The following GRM1 variants were observed in gnomAD, a reference collection of about 807,000 sequenced individuals.
GRM1 encodes the protein glutamate metabotropic receptor 1, also known as metabotropic glutamate receptor 1.
Under a neutral mutation model 90.9 loss-of-function variants are expected in GRM1, and 33 were observed. The observed-to-expected ratio is 0.36, with a 90% confidence interval of 0.28 to 0.49. GRM1 has a LOEUF of 0.49. Among genes scored for constraint, GRM1 ranks in the 20% least tolerant of loss-of-function variants. The pLI is 0.99. For synonymous variants in GRM1, 700 were observed against 613.2 expected, an observed-to-expected ratio of 1.14 and a Z score of -2.09; for missense variants, 1,190 against 1,534.3, an observed-to-expected ratio of 0.78 and a Z score of 3.75.
intron 7 of GRM1, among the ~76,000 whole-genome samples, chr6:146,413,463 C>T (rs890333924): frequency 2.6e-5 from 4 of 152,006 alleles, no homozygotes; most frequent in African/African-American, 9.7e-5. Context: ...TTCAGCATTT[C>T]TTTCCTTGCT....
chr6:146,081,545 T>A (rs1270590944), intron 1 of GRM1, among the ~76,000 whole-genome samples: 3 of 152,120 alleles, frequency 2.0e-5, no homozygotes, highest in Non-Finnish European at 4.4e-5. Flanking sequence ...CTGAAGTTAA[T>A]ATAAAGTGAA....
intron 2 of GRM1, among the ~76,000 whole-genome samples, chr6:146,193,991 T>C (rs1779024504): frequency 6.6e-6 from 1 of 152,156 alleles, no homozygotes; most frequent in Non-Finnish European, 1.5e-5. Flanking sequence ...GTTTACCTTC[T>C]CTTCAACAGC....
chr6:146,397,484 G>GAAAAAAAAAAAAAAAAAAAAAAA (rs577471775), intron 6 of GRM1, among the ~76,000 whole-genome samples: 1 of 45,030 alleles, frequency 2.2e-5, no homozygotes, highest in Non-Finnish European at 4.7e-5. Flanking sequence ...AAAAAAAAAA[G>GAAAAAAAAAAAAAAAAAAAAAAA]AAAAAAAAAA....
At chr6:146,284,974 C>T (rs1235536900) in intron 2 of GRM1, among the ~76,000 whole-genome samples, 2 of 152,172 alleles carry the variant, frequency 1.3e-5, no homozygotes, top group Non-Finnish European at 2.9e-5. Context: ...ATTCTAGTTC[C>T]AAGCACCTCA....
intron 2 of GRM1, among the ~76,000 whole-genome samples, chr6:146,289,632 C>T (rs1368159381): frequency 6.6e-6 from 1 of 152,136 alleles, no homozygotes; most frequent in Non-Finnish European, 1.5e-5. Flanking sequence ...ATTGTCTCAC[C>T]CAGAGCAACC....
At chr6:146,403,870 A>C (rs1381124787) in intron 7 of GRM1, among the ~76,000 whole-genome samples, 1 of 152,134 alleles carries the variant, frequency 6.6e-6, no homozygotes. Context: ...GGTACACTGT[A>C]ATATTTCAAT....
At chr6:146,094,634 G>C (rs1475079018) in intron 1 of GRM1, among the ~76,000 whole-genome samples, 1 of 152,042 alleles carries the variant, frequency 6.6e-6, no homozygotes, top group African/African-American at 2.4e-5. Flanking sequence ...GACAAATACT[G>C]AAAGAAAGTT....
At chr6:146,295,452 C>G (rs1211937744) in intron 2 of GRM1, among the ~76,000 whole-genome samples, 2 of 151,236 alleles carry the variant, frequency 1.3e-5, no homozygotes, top group African/African-American at 4.9e-5. Context: ...AGGCTGGTCT[C>G]GAACTCCTGA....
chr6:146,240,312 G>T (rs143888319), intron 2 of GRM1, among the ~76,000 whole-genome samples: 3 of 151,956 alleles, frequency 2.0e-5, no homozygotes, highest in African/African-American at 7.3e-5. Context: ...ACCCAAAAGG[G>T]TAAATTAAGA....
Position 146,106,765 on chromosome 6 carries a change from C to T in GRM1, c.701-52583C>T, listed in dbSNP as rs537866853. On this transcript the variant is annotated intron_variant, in intron 1 of 7. Transcript: ENST00000282753. ...GCTCAGCTCATTTAAATTTAGTTGA[C>T]CTCGTGGTGTCATTCCTTATGTATA... is the stretch of plus-strand genomic sequence containing the variant. Among the ~76,000 whole-genome samples, 4 of 152,296 alleles carry T rather than the reference C, an allele frequency of 2.6e-5. No individual in the cohort carries two copies. In the South Asian group the frequency reaches 8.3e-4, roughly 32 times the overall value.
At chr6:146,132,068 G>C (rs1776419344) in intron 1 of GRM1, among the ~76,000 whole-genome samples, 1 of 152,158 alleles carries the variant, frequency 6.6e-6, no homozygotes, top group Non-Finnish European at 1.5e-5. Context: ...CTGTAAAAGT[G>C]AACTCACAGA....
intron 2 of GRM1, among the ~76,000 whole-genome samples, chr6:146,275,125 A>G (rs1466205665): frequency 6.6e-6 from 1 of 152,054 alleles, no homozygotes; most frequent in Non-Finnish European, 1.5e-5. Context: ...TGGAACTGCA[A>G]TGAGCTAAAC....
chr6:146,336,512 T>C (rs2115005436), intron 3 of GRM1, among the ~76,000 whole-genome samples: 1 of 152,314 alleles, frequency 6.6e-6, no homozygotes, highest in Non-Finnish European at 1.5e-5. Flanking sequence ...AGAGTCTTCC[T>C]GATGAGGCAT....
chr6:146,171,125 A>T (rs879385767), intron 2 of GRM1, among the ~76,000 whole-genome samples: 2 of 152,186 alleles, frequency 1.3e-5, no homozygotes, highest in Admixed American at 6.5e-5. Flanking sequence ...TACAGCAAAG[A>T]TATTCAAATA....
intron 2 of GRM1, among the ~76,000 whole-genome samples, chr6:146,200,356 A>C (rs1167147130): frequency 6.6e-6 from 1 of 152,174 alleles, no homozygotes; most frequent in African/African-American, 2.4e-5. Context: ...GCATCAATCC[A>C]ACTTAGCAAT....
intron 2 of GRM1, among the ~76,000 whole-genome samples, chr6:146,252,929 G>C (rs1185333317): frequency 1.3e-5 from 2 of 151,206 alleles, no homozygotes; most frequent in African/African-American, 4.9e-5. Context: ...GCGTGGTGGC[G>C]TGTGCTTGTA....
chr6:146,306,002 T>C (rs1473563887), intron 3 of GRM1, among the ~76,000 whole-genome samples: 1 of 152,220 alleles, frequency 6.6e-6, no homozygotes, highest in Admixed American at 6.5e-5. Context: ...ATTCATAGTT[T>C]GATGTTAGAA....
intron 1 of GRM1, among the ~76,000 whole-genome samples, chr6:146,054,405 A>G (rs1775407838): frequency 6.6e-6 from 1 of 152,080 alleles, no homozygotes; most frequent in Non-Finnish European, 1.5e-5. Context: ...AAAATATAAT[A>G]ATTATAAAAC....
At chr6:146,302,910 G>C (rs192063260) in intron 2 of GRM1, among the ~76,000 whole-genome samples, 1 of 151,472 alleles carries the variant, frequency 6.6e-6, no homozygotes, top group Non-Finnish European at 1.5e-5. Flanking sequence ...GGGAGGGAGG[G>C]AGGAAGGAAG....
Sources: allele counts gnomAD v4.1 joint callset (sites outside exome capture counted in the v4.1 genomes callset), GRCh38; gene constraint gnomAD v4.1.1; transcripts MANE v1.5; gene names NCBI Gene and HGNC (gene_info 2026-07-23, HGNC 2026-07-21).